TBL1Y: variants seen among roughly 807,000 people sequenced by gnomAD.
The protein encoded by TBL1Y is transducin beta like 1 Y-linked.
TBL1Y carries 15 observed loss-of-function variants against 12.0 expected under a neutral mutation model. That is an observed-to-expected ratio of 1.25 (90% CI 0.83 to 1.92). The LOEUF is 1.92. TBL1Y is among the 40% of genes most tolerant of loss of function. TBL1Y has a pLI of 0.00. For synonymous variants in TBL1Y, 53 were observed against 42.6 expected (o/e 1.24, Z -0.95); for missense variants, 148 against 116.7 (o/e 1.27, Z -1.24).
At chrY:6,946,883 G>A (rs2011988220) in intron 2 of TBL1Y, among the ~76,000 whole-genome samples, 1 of 33,863 alleles carries the variant, frequency 3.0e-5, no homozygotes, top group Admixed American at 2.7e-4. Context: ...TGGGAGGAGG[G>A]ACAGAGCTTC....
intron 4 of TBL1Y, among the ~76,000 whole-genome samples, chrY:6,999,415 C>G: frequency 3.1e-5 from 1 of 32,494 alleles, no homozygotes; most frequent in East Asian, 8.3e-4. Context: ...TTTGCTTTGG[C>G]ATGCAGCTTG....
intron 13 of TBL1Y, 94 bp downstream of exon 13, chrY:7,074,714 G>A: frequency 3.9e-6 from 1 of 258,661 alleles, no homozygotes; most frequent in Non-Finnish European, 6.0e-6. Flanking sequence ...ACTTTTGAAG[G>A]CTGAGACGTG....
At chrY:7,015,358 G>T in intron 4 of TBL1Y, among the ~76,000 whole-genome samples, 2 of 33,259 alleles carry the variant, frequency 6.0e-5, no homozygotes, top group Non-Finnish European at 1.5e-4. Flanking sequence ...GGATGGAGGG[G>T]TTCACAGAAT....
intron 6 of TBL1Y, among the ~76,000 whole-genome samples, chrY:7,041,750 G>T: frequency 3.0e-5 from 1 of 32,895 alleles, no homozygotes; most frequent in African/African-American, 1.2e-4. Context: ...CCCTAGACTT[G>T]CCGGCAGTAG....
intron 2 of TBL1Y, among the ~76,000 whole-genome samples, chrY:6,923,597 T>G: frequency 3.1e-5 from 1 of 32,713 alleles, no homozygotes; most frequent in Admixed American, 2.8e-4. Flanking sequence ...CTTCACTTAC[T>G]ATAAGCTCTG....
chrY:7,022,828 A>C (rs185900322), intron 5 of TBL1Y, among the ~76,000 whole-genome samples: 35 of 32,408 alleles, frequency 1.1e-3, no homozygotes, highest in African/African-American at 3.7e-3. Context: ...CCTCTGTTGA[A>C]CATTCTGAGG....
chrY:7,042,373 T>A (rs2124161686), intron 6 of TBL1Y, among the ~76,000 whole-genome samples: 4 of 31,384 alleles, frequency 1.3e-4, no homozygotes, highest in African/African-American at 2.5e-4. Flanking sequence ...AACTCTTTAT[T>A]GTCTGTTCTC....
chrY:7,008,794 A>G (rs760095566), intron 4 of TBL1Y, among the ~76,000 whole-genome samples: 2 of 33,516 alleles, frequency 6.0e-5, no homozygotes, highest in Admixed American at 5.5e-4. Flanking sequence ...AGCGAGGTCA[A>G]TAATACCTGC....
intron 7 of TBL1Y, among the ~76,000 whole-genome samples, chrY:7,057,253 G>A: frequency 3.0e-5 from 1 of 33,053 alleles, no homozygotes; most frequent in Non-Finnish European, 7.4e-5. Flanking sequence ...TGCTTTATGA[G>A]GAAGTTAAGT....
At chrY:7,065,938 C>T (rs2012979007) in intron 8 of TBL1Y, among the ~76,000 whole-genome samples, 1 of 34,067 alleles carries the variant, frequency 2.9e-5, no homozygotes, top group Non-Finnish European at 7.3e-5. Context: ...TCTCTAGTTC[C>T]CATGTGTCAA....
At chrY:7,014,352 G>A in intron 4 of TBL1Y, among the ~76,000 whole-genome samples, 1 of 31,952 alleles carries the variant, frequency 3.1e-5, no homozygotes, top group African/African-American at 1.2e-4. Context: ...CACCATGGTT[G>A]TTTCGTGAGT....
At chrY:6,923,553 G>A (rs2011797589) in intron 2 of TBL1Y, among the ~76,000 whole-genome samples, 1 of 31,811 alleles carries the variant, frequency 3.1e-5, no homozygotes, top group Admixed American at 2.8e-4. Flanking sequence ...TTGCTCTGTC[G>A]CCCAGGCTGG....
At chrY:6,933,416 T>C (rs2011880846) in intron 2 of TBL1Y, among the ~76,000 whole-genome samples, 1 of 33,617 alleles carries the variant, frequency 3.0e-5, no homozygotes, top group Non-Finnish European at 7.3e-5. Context: ...TGATGGACTT[T>C]TTGCAGGCTC....
chrY:6,931,614 C>T (rs2011866516), intron 2 of TBL1Y, among the ~76,000 whole-genome samples: 1 of 33,832 alleles, frequency 3.0e-5, no homozygotes. Context: ...ACTTTAGTTA[C>T]GTTAGTGTAC....
chrY:7,004,795 T>C, intron 4 of TBL1Y, among the ~76,000 whole-genome samples: 7 of 33,242 alleles, frequency 2.1e-4, no homozygotes, highest in Admixed American at 8.3e-4. Context: ...TGGCCTGCCA[T>C]TTTGTTTTTC....
Position 7,090,151 on chromosome Y carries a change from C to T in TBL1Y, c.1509C>T (p.Ala503=). Residue 503 remains alanine, a synonymous_variant, in exon 18 of 19, where the codon GCC becomes GCT. Coordinates refer to ENST00000383032, the MANE Select transcript of TBL1Y (RefSeq NM_033284.2). ...GTATCTTCGAGGTGTGCTGGAACGC[C>T]CGAGGAGATAAAGTGGGCGCCAGCG... ...TGGIFEVCWN[A]RGDKVGASAS... The T allele has an allele frequency of 2.5e-6, 1 of 398,199 alleles. No homozygotes were observed. The highest frequency in any genetic ancestry group is 3.5e-6 in the Non-Finnish European group (1 of 283,302).
At chrY:6,950,021 T>C (rs749257601) in intron 2 of TBL1Y, among the ~76,000 whole-genome samples, 14 of 34,006 alleles carry the variant, frequency 4.1e-4, no homozygotes, top group Non-Finnish European at 8.1e-4. Context: ...AATTTTATTT[T>C]TAATACAAAG....
chrY:6,967,750 G>C, intron 2 of TBL1Y, among the ~76,000 whole-genome samples: 1 of 33,575 alleles, frequency 3.0e-5, no homozygotes, highest in South Asian at 6.7e-4. Flanking sequence ...TGGAGTTCAG[G>C]GTTTAGGGGG....
chrY:6,937,470 G>C (rs2124102203), intron 2 of TBL1Y, among the ~76,000 whole-genome samples: 2 of 33,113 alleles, frequency 6.0e-5, no homozygotes, highest in Non-Finnish European at 1.5e-4. Flanking sequence ...TCGGAAGACT[G>C]AGGCAGGAGA....
Sources: allele counts gnomAD v4.1 joint callset (sites outside exome capture counted in the v4.1 genomes callset), GRCh38; gene constraint gnomAD v4.1.1; transcripts MANE v1.5; gene names NCBI Gene and HGNC (gene_info 2026-07-23, HGNC 2026-07-21).